The following DCLK1 variants were observed in gnomAD, a reference collection of about 807,000 sequenced individuals.
DCLK1 encodes doublecortin like kinase 1.
In DCLK1, 16 loss-of-function variants were observed where a neutral mutation model predicts 86.2. That is an observed-to-expected ratio of 0.19 (90% confidence interval 0.13 to 0.28). DCLK1 has a LOEUF of 0.28. DCLK1 is among the 10% of genes least tolerant of loss of function. DCLK1 has a pLI of 1.00. For missense variants in DCLK1, 590 were observed against 940.2 expected (o/e 0.63, Z 4.87); for synonymous variants, 369 against 370.5 (o/e 1.00, Z 0.05).
chr13:35,891,784 T>G (rs1203103261), intron 4 of DCLK1, among the ~76,000 whole-genome samples: 9 of 152,182 alleles, frequency 5.9e-5, no homozygotes, highest in Admixed American at 1.3e-4. Context: ...ACATTTGGTT[T>G]TCAGTGGATT....
Position 35,772,329 on chromosome 13 carries a change from T to G in DCLK1, c.*2206A>C, listed in dbSNP as rs1001750785. On this transcript the variant is annotated 3_prime_UTR_variant, in exon 17 of 17. Coordinates refer to ENST00000360631, the MANE Select transcript of DCLK1 (RefSeq NM_001330071.2). ...CTAGATGCTGTAGCAATATAGTTAA[T>G]GCCCACAGAAAAAGCAGTAATTCAG... 6.6e-6 allele frequency: 1 copy of G among 152,210 alleles called. No homozygotes were observed. Among genetic ancestry groups the G allele is most frequent in the African/African-American group, 2.4e-5 (1 of 41,436 alleles). 9.4% of individuals were successfully genotyped at this position (152,210 alleles called of 1,614,324 possible). A position where few individuals can be genotyped will look rare whatever the true frequency, so the allele number is the denominator to read the frequency against.
At chr13:36,100,046 T>C (rs1036930135) in intron 3 of DCLK1, among the ~76,000 whole-genome samples, 3 of 151,692 alleles carry the variant, frequency 2.0e-5, no homozygotes, top group Admixed American at 6.6e-5. Flanking sequence ...ATTTTTGCTA[T>C]ATAAGAAAAC....
intron 5 of DCLK1, among the ~76,000 whole-genome samples, chr13:35,870,858 C>T (rs905252981): frequency 2.6e-5 from 4 of 152,188 alleles, no homozygotes; most frequent in Middle Eastern, 6.8e-3. Context: ...AAAGGTTCAG[C>T]GAATACAAAT....
At chr13:36,067,946 A>G (rs987240970) in intron 3 of DCLK1, among the ~76,000 whole-genome samples, 1 of 152,230 alleles carries the variant, frequency 6.6e-6, no homozygotes, top group African/African-American at 2.4e-5. Context: ...ATGGAAAACA[A>G]AAAGTTACTG....
In DCLK1 at chr13:35,881,806, G is replaced by T. The variant is rs545093280; in HGVS notation, c.824-10466C>A. On this transcript the variant is annotated intron_variant, in intron 4 of 16. Coordinates refer to ENST00000360631, the MANE Select transcript of DCLK1 (RefSeq NM_001330071.2). ...GCAGCTAACTTCAGTTGAGGGGCAT[G>T]TCGTGTGAAATAGGCCCACCTTTAT... 3.3e-5 allele frequency among the ~76,000 whole-genome samples: 5 copies of T among 152,286 alleles called. No homozygotes were observed. The South Asian group carries it at 1.0e-3, about 32-fold the overall frequency.
chr13:36,055,410 C>G (rs373216781), intron 3 of DCLK1, among the ~76,000 whole-genome samples: 2 of 152,146 alleles, frequency 1.3e-5, no homozygotes, highest in Admixed American at 1.3e-4. Context: ...TGAACTGTCT[C>G]GTGCTGACTA....
chr13:36,078,242 C>G (rs367553745), intron 3 of DCLK1, among the ~76,000 whole-genome samples: 1 of 152,310 alleles, frequency 6.6e-6, no homozygotes, highest in East Asian at 1.9e-4. Context: ...AACTTCCCAG[C>G]CTTGAGAACT....
intron 11 of DCLK1, among the ~76,000 whole-genome samples, chr13:35,817,281 C>T (rs2087289292): frequency 6.6e-6 from 1 of 152,140 alleles, no homozygotes; most frequent in South Asian, 2.1e-4. Context: ...ACACTTAGTA[C>T]AGTAACTGGC....
At chr13:35,791,066 C>A (rs2086700030) in intron 16 of DCLK1, among the ~76,000 whole-genome samples, 1 of 152,146 alleles carries the variant, frequency 6.6e-6, no homozygotes, top group Non-Finnish European at 1.5e-5. Flanking sequence ...GAAAAGCATT[C>A]TGGAGAAGGT....
chr13:35,816,684 A>T (rs1055856930), intron 11 of DCLK1, among the ~76,000 whole-genome samples: 8 of 152,158 alleles, frequency 5.3e-5, no homozygotes, highest in Non-Finnish European at 1.0e-4. Flanking sequence ...CAGAACTTAA[A>T]CTCAGATATG....
chr13:35,886,166 C>A (rs890457677), intron 4 of DCLK1, among the ~76,000 whole-genome samples: 1 of 152,034 alleles, frequency 6.6e-6, no homozygotes, highest in Non-Finnish European at 1.5e-5. Context: ...CACATGCCAC[C>A]ATGCCTGGCT....
intron 3 of DCLK1, among the ~76,000 whole-genome samples, chr13:36,103,376 C>T (rs1424410268): frequency 7.1e-6 from 1 of 140,972 alleles, no homozygotes; most frequent in African/African-American, 2.7e-5. Context: ...TGCATTCCAA[C>T]CTGGGAGACA....
At chr13:35,852,402 TA>T (rs1196231156) in intron 6 of DCLK1, among the ~76,000 whole-genome samples, 1 of 152,180 alleles carries the variant, frequency 6.6e-6, no homozygotes, top group Admixed American at 6.5e-5. Context: ...ATTTATGGCC[TA>T]AATTCAAAAG....
intron 14 of DCLK1, 148 bp downstream of exon 14, chr13:35,808,076 A>G: frequency 1.4e-6 from 1 of 739,588 alleles, no homozygotes; most frequent in Non-Finnish European, 2.2e-6. Flanking sequence ...GATGACTGTG[A>G]AATCTTGGAA....
At chr13:35,946,529 C>T (rs1877389059) in intron 4 of DCLK1, among the ~76,000 whole-genome samples, 1 of 143,236 alleles carries the variant, frequency 7.0e-6, no homozygotes, top group South Asian at 2.2e-4. Flanking sequence ...TTCAAAAGCT[C>T]ACTGATTTGT....
chr13:35,781,668 CAT>C (rs2086527975), intron 16 of DCLK1, among the ~76,000 whole-genome samples: 1 of 152,178 alleles, frequency 6.6e-6, no homozygotes, highest in South Asian at 2.1e-4. Context: ...CTAGCCATCA[CAT>C]ATAGTCTTCA....
chr13:35,877,087 A>C (rs1414659575), intron 4 of DCLK1, among the ~76,000 whole-genome samples: 1 of 152,192 alleles, frequency 6.6e-6, no homozygotes, highest in Non-Finnish European at 1.5e-5. Context: ...TAGTCCCTAC[A>C]TTCATCTGAG....
intron 3 of DCLK1, among the ~76,000 whole-genome samples, chr13:35,998,191 A>G (rs1043773052): frequency 4.6e-5 from 7 of 152,188 alleles, no homozygotes; most frequent in Non-Finnish European, 8.8e-5. Context: ...TAGAAGAAAA[A>G]TTGACTCACA....
At chr13:35,859,562 G>A (rs1159283932) in intron 5 of DCLK1, among the ~76,000 whole-genome samples, 1 of 152,142 alleles carries the variant, frequency 6.6e-6, no homozygotes, top group Non-Finnish European at 1.5e-5. Context: ...AAGCCTGTCA[G>A]GGATCCAACA....
Sources: gnomAD v4.1 joint callset for allele counts (sites outside exome capture counted in the v4.1 genomes callset) on GRCh38, gnomAD v4.1.1 for gene constraint, MANE v1.5 for transcripts, NCBI Gene and HGNC (gene_info 2026-07-23, HGNC 2026-07-21) for gene names.